Variants in SOX5 observed in about 807,000 individuals in gnomAD.
SOX5 encodes transcription factor SOX-5.
A neutral mutation model predicts 92.0 loss-of-function variants in SOX5; 9 were observed. The ratio of observed to expected loss-of-function variants is 0.10; its 90% confidence interval spans 0.06 to 0.17. The LOEUF (loss-of-function observed/expected upper bound fraction) is 0.17, where lower values mean the gene tolerates loss of function less well. SOX5 is among the 10% of genes least tolerant of loss of function. The pLI is 1.00. For missense variants in SOX5, 642 were observed against 944.5 expected, an observed-to-expected ratio of 0.68 and a Z score of 4.20; for synonymous variants, 344 against 336.3, an observed-to-expected ratio of 1.02 and a Z score of -0.25.
intron 4 of SOX5, among the ~76,000 whole-genome samples, chr12:24,124,357 G>C (rs544831205): frequency 2.0e-5 from 3 of 152,276 alleles, no homozygotes; most frequent in Admixed American, 6.5e-5. Flanking sequence ...AATGGCCACA[G>C]AACATTTGGA....
At chr12:23,740,824 G>C in intron 5 of SOX5, 43 bp downstream of exon 5, 1 of 1,528,334 alleles carries the variant, frequency 6.5e-7, no homozygotes, top group Non-Finnish European at 9.0e-7. Flanking sequence ...AGCAGGCAAA[G>C]TAATGTCTGA....
intron 4 of SOX5, among the ~76,000 whole-genome samples, chr12:24,128,774 A>G (rs541874715): frequency 6.3e-4 from 96 of 152,308 alleles, no homozygotes; most frequent in Non-Finnish European, 1.1e-3. Flanking sequence ...AAACAGGGGA[A>G]TAACATGATA....
chr12:24,377,266 G>A (rs751877117), intron 1 of SOX5, among the ~76,000 whole-genome samples: 1 of 152,178 alleles, frequency 6.6e-6, no homozygotes, highest in African/African-American at 2.4e-5. Context: ...TTTTATAGAT[G>A]AGAAAACTGG....
chr12:24,344,059 C>T (rs1046600687), intron 2 of SOX5, among the ~76,000 whole-genome samples: 1 of 151,814 alleles, frequency 6.6e-6, no homozygotes, highest in African/African-American at 2.4e-5. Flanking sequence ...CCGAGGTGGG[C>T]GAATCACAAG....
chr12:24,139,244 G>A (rs901909139), intron 4 of SOX5, among the ~76,000 whole-genome samples: 8 of 152,088 alleles, frequency 5.3e-5, no homozygotes, highest in African/African-American at 1.2e-4. Context: ...GCATTCACTC[G>A]GAAGCATATG....
rs138251013 is a variant in SOX5 at position 23,850,314 on chromosome 12, G to A, written c.271-4121C>T. Among the ~76,000 whole-genome samples the A allele has an allele frequency of 4.1e-4, 62 of 151,298 alleles. No individual in the cohort carries two copies. The East Asian group carries it at 0.01, about 25-fold the overall frequency. Reference sequence around the variant, plus strand: ...CGTGGTGGCGCGCACCTGTAATCCCGGCTACTCTGGAGGCTGAGGCAGGAG... The same window carrying A: ...CGTGGTGGCGCGCACCTGTAATCCCAGCTACTCTGGAGGCTGAGGCAGGAG... On this transcript the variant is annotated intron_variant, in intron 2 of 14. Transcript: ENST00000451604.
chr12:23,598,636 T>A (rs557156147), intron 9 of SOX5, among the ~76,000 whole-genome samples: 1 of 152,006 alleles, frequency 6.6e-6, no homozygotes, highest in African/African-American at 2.4e-5. Flanking sequence ...CCTGACCTCA[T>A]GATCCATCCA....
chr12:24,019,989 T>C (rs747377250), intron 4 of SOX5, among the ~76,000 whole-genome samples: 4 of 152,214 alleles, frequency 2.6e-5, no homozygotes, highest in Non-Finnish European at 5.9e-5. Flanking sequence ...TTGGTGGAGC[T>C]AAACTATAAT....
chr12:24,461,210 A>G lies in SOX5; in HGVS notation c.-250-92571T>C, dbSNP rs1222029548. Among the ~76,000 whole-genome samples, 3 of 151,910 alleles carry G rather than the reference A, an allele frequency of 2.0e-5. No homozygotes were observed. The East Asian group carries it at 5.8e-4, about 29-fold the overall frequency. ...TTGTATAAGCTGTTCAACAAGAAAC[A>G]TTATTTTGTAGGAGGATTTATTGTA... On this transcript the variant is annotated intron_variant, in intron 1 of 4. Transcript: ENST00000446891.
At chr12:23,838,018 T>A in intron 3 of SOX5, among the ~76,000 whole-genome samples, 1 of 108,492 alleles carries the variant, frequency 9.2e-6, no homozygotes, top group South Asian at 2.5e-4. Context: ...ATTTATATAA[T>A]ATATATACAT....
Position 23,723,532 on chromosome 12 carries a change from T to A in SOX5, c.810+11152A>T, listed in dbSNP as rs919065160. Among the ~76,000 whole-genome samples, 24 of 148,454 alleles carry A rather than the reference T, an allele frequency of 1.6e-4. 1 individual carries two copies. The highest frequency in any genetic ancestry group is 5.7e-4 in the African/African-American group (23 of 40,300). ...AGTAGAAAGAGAATTAAAAAGGTATTCAGAACTAAACGGTGGTAATTAGAG... is the reference window on the plus strand; with the variant it reads ...AGTAGAAAGAGAATTAAAAAGGTATACAGAACTAAACGGTGGTAATTAGAG... On this transcript the variant is annotated intron_variant, in intron 6 of 14. Transcript: ENST00000451604.
chr12:23,751,471 C>A (rs927316635), intron 4 of SOX5, among the ~76,000 whole-genome samples: 1 of 151,706 alleles, frequency 6.6e-6, no homozygotes, highest in Admixed American at 6.6e-5. Flanking sequence ...GATTTTTTAC[C>A]TGGGATCTGA....
At chr12:23,609,839 C>T (rs151226303) in intron 8 of SOX5, among the ~76,000 whole-genome samples, 27 of 152,254 alleles carry the variant, frequency 1.8e-4, no homozygotes, top group Middle Eastern at 6.8e-3. Flanking sequence ...TCCACCACCA[C>T]CAACATAAGC....
chr12:24,261,769 C>T (rs1482311810), intron 3 of SOX5, among the ~76,000 whole-genome samples: 1 of 152,200 alleles, frequency 6.6e-6, no homozygotes, highest in Non-Finnish European at 1.5e-5. Flanking sequence ...TCCTCACTTC[C>T]ACCATTCAAG....
At chr12:24,320,333 A>C (rs961927954) in intron 2 of SOX5, among the ~76,000 whole-genome samples, 4 of 152,158 alleles carry the variant, frequency 2.6e-5, no homozygotes, top group Non-Finnish European at 4.4e-5. Context: ...TATAGGTCTT[A>C]TTTTTAGCTC....
chr12:23,829,322 C>T (rs1489489863), intron 3 of SOX5, among the ~76,000 whole-genome samples: 1 of 152,066 alleles, frequency 6.6e-6, no homozygotes, highest in Non-Finnish European at 1.5e-5. Context: ...ACACAAAATC[C>T]TCCAGCTAGT....
At chr12:24,299,319 C>T (rs564964038) in intron 2 of SOX5, among the ~76,000 whole-genome samples, 3 of 152,024 alleles carry the variant, frequency 2.0e-5, no homozygotes, top group Non-Finnish European at 4.4e-5. Context: ...TTTGATGTTA[C>T]GTGTCAGAAT....
chr12:24,537,238 A>G (rs1951720581), intron 1 of SOX5, among the ~76,000 whole-genome samples: 1 of 152,232 alleles, frequency 6.6e-6, no homozygotes, highest in South Asian at 2.1e-4. Context: ...GCAACTGGTA[A>G]CATGGAAAAA....
chr12:23,812,347 G>GT (rs1044004473), intron 3 of SOX5, among the ~76,000 whole-genome samples: 19 of 151,994 alleles, frequency 1.3e-4, no homozygotes, highest in African/African-American at 4.6e-4. Context: ...TTATGACTGT[G>GT]TTATAGACAG....
Sources: gnomAD v4.1 joint callset for allele counts (sites outside exome capture counted in the v4.1 genomes callset) on GRCh38, gnomAD v4.1.1 for gene constraint, MANE v1.5 for transcripts, NCBI Gene and HGNC (gene_info 2026-07-23, HGNC 2026-07-21) for gene names.